Variants in ANKH observed in about 807,000 individuals in gnomAD.
ANKH encodes the protein mineralization regulator ANKH.
A neutral mutation model predicts 49.0 loss-of-function variants in ANKH; 15 were observed. The observed-to-expected ratio is 0.31, with a 90% CI of 0.20 to 0.47. The LOEUF (loss-of-function observed/expected upper bound fraction) is 0.47. ANKH is among the 20% of genes least tolerant of loss of function. The probability of loss-of-function intolerance (pLI) is 1.00; values close to 1 mark genes in which losing one functional copy is unlikely to be tolerated. For missense variants in ANKH, 429 were observed against 652.0 expected, an observed-to-expected ratio of 0.66 and a Z score of 3.72; for synonymous variants, 273 against 260.0, an observed-to-expected ratio of 1.05 and a Z score of -0.48.
intron 8 of ANKH, among the ~76,000 whole-genome samples, chr5:14,722,137 T>C (rs1467421542): frequency 2.6e-5 from 4 of 152,268 alleles, no homozygotes; most frequent in African/African-American, 2.4e-5. Context: ...GTCATTTTAA[T>C]GAGTTCACCC....
chr5:14,743,589 A>G (rs77568719), intron 7 of ANKH, among the ~76,000 whole-genome samples: 4,360 of 152,336 alleles, frequency 0.029, 239 homozygotes, highest in African/African-American at 0.1. Flanking sequence ...GTATGTGAGA[A>G]ATTTTAAATC....
chr5:14,866,173 A>AT (rs1267686034), intron 1 of ANKH, among the ~76,000 whole-genome samples: 1 of 152,022 alleles, frequency 6.6e-6, no homozygotes, highest in Non-Finnish European at 1.5e-5. Context: ...TGCCCCGCTA[A>AT]TTTTGTATTT....
chr5:14,813,037 T>A (rs772234086), intron 1 of ANKH, among the ~76,000 whole-genome samples: 32 of 152,270 alleles, frequency 2.1e-4, no homozygotes, highest in Non-Finnish European at 3.1e-4. Context: ...AGCCAGACAT[T>A]TGAGACCAGC....
intron 1 of ANKH, among the ~76,000 whole-genome samples, chr5:14,862,431 C>T (rs1735524047): frequency 6.6e-6 from 1 of 152,124 alleles, no homozygotes; most frequent in Non-Finnish European, 1.5e-5. Flanking sequence ...GATACCAAAG[C>T]CAGGGAAAAC....
chr5:14,745,799 T>C lies in ANKH; in HGVS notation c.915+71A>G. On this transcript the variant is annotated intron_variant, in intron 7 of 11. Transcript: ENST00000284268. This position sits in a 1 kb window ranked among gnomAD's most constrained non-coding sequence, Gnocchi z 4.7. The stretch of plus-strand genomic sequence containing the variant: ...CTGAGAAGCAACAAAGTGTCCCTCA[T>C]CAGAGAGCCCTGTCTATCAAGAAGT... The C allele has an allele frequency of 7.3e-7, 1 of 1,368,028 alleles. No homozygotes were observed. The highest frequency in any genetic ancestry group is 1.2e-5 in the South Asian group (1 of 85,106). The allele number at this position is 1,368,028 out of a possible 1,614,324, so 84.7% of individuals were successfully genotyped here.
intron 1 of ANKH, among the ~76,000 whole-genome samples, chr5:14,793,388 G>A (rs542967670): frequency 3.9e-4 from 60 of 152,030 alleles, no homozygotes; most frequent in African/African-American, 1.4e-3. Context: ...TGGTGGCTTT[G>A]CCCAGTAGCT....
At chr5:14,798,489 C>CT in intron 1 of ANKH, 8 of 897,292 alleles carry the variant, frequency 8.9e-6, no homozygotes, top group South Asian at 4.0e-5. Flanking sequence ...CACGCGGTCT[C>CT]TATTTTTTTT....
chr5:14,774,155 GT>G (rs1289074857), intron 1 of ANKH, among the ~76,000 whole-genome samples: 13 of 152,056 alleles, frequency 8.5e-5, no homozygotes, highest in African/African-American at 3.1e-4. Flanking sequence ...TTAGTTCCAT[GT>G]TTTCTTTTGA....
At position 14,709,629 on chromosome 5, in the gene ANKH, T is replaced by G. The variant is rs1295900695; in HGVS notation, c.*1568A>C. On this transcript the variant is annotated 3_prime_UTR_variant, in exon 12 of 12. Coordinates refer to ENST00000284268, the MANE Select transcript of ANKH (RefSeq NM_054027.6). ...CATTTTTGCCTTTCCAGCTTGCACT[T>G]CTATTCCTACTCCAGTGACCCATTT... 6.6e-6 allele frequency: 1 copy of G among 152,410 alleles called. No homozygotes were observed. Among genetic ancestry groups the G allele is most frequent in the Non-Finnish European group, 1.5e-5 (1 of 68,050 alleles). 9.4% of individuals were successfully genotyped at this position (152,410 alleles called of 1,614,324 possible).
chr5:14,780,418 C>CTGTAGT (rs1739771023), intron 1 of ANKH, among the ~76,000 whole-genome samples: 1 of 152,172 alleles, frequency 6.6e-6, no homozygotes, highest in East Asian at 1.9e-4. Context: ...TGGCACATGC[C>CTGTAGT]TGTAGTCCCA....
rs57904537 is a variant in ANKH, at chr5:14,783,289, TACACACACAC to T, written c.97-14108_97-14099del. Among the ~76,000 whole-genome samples the T allele has an allele frequency of 4.4e-3, 642 of 144,588 alleles. 7 individuals carry two copies. Among genetic ancestry groups the T allele is most frequent in the Admixed American group, 0.025 (360 of 14,504 alleles). The allele number at this position is 144,588 out of a possible 152,430, so 94.9% of individuals were successfully genotyped here. The stretch of plus-strand genomic sequence containing the variant: ...GCACAGAAGAGGGTCGCCACCATTC[TACACACACAC>T]ACACACACACACACACACACACACA... On this transcript the variant is annotated intron_variant, in intron 1 of 11. Coordinates refer to ENST00000284268, the MANE Select transcript of ANKH (RefSeq NM_054027.6).
intron 6 of ANKH, among the ~76,000 whole-genome samples, chr5:14,748,712 C>T (rs1317774877): frequency 6.6e-6 from 1 of 152,228 alleles, no homozygotes; most frequent in Non-Finnish European, 1.5e-5. Flanking sequence ...CAGGCCGGGT[C>T]AACACGGAGG....
At chr5:14,773,367 T>A (rs975358386) in intron 1 of ANKH, among the ~76,000 whole-genome samples, 1 of 147,094 alleles carries the variant, frequency 6.8e-6, no homozygotes, top group African/African-American at 2.5e-5. Flanking sequence ...TTTTTTTTTT[T>A]TTTTTTTTTT....
intron 1 of ANKH, among the ~76,000 whole-genome samples, chr5:14,844,720 A>T (rs1256167444): frequency 1.3e-5 from 2 of 152,344 alleles, no homozygotes; most frequent in Non-Finnish European, 2.9e-5. Flanking sequence ...GCGGAGCTGT[A>T]GATTCGGGAT....
intron 1 of ANKH, among the ~76,000 whole-genome samples, chr5:14,822,757 C>T (rs2126588312): frequency 6.6e-6 from 1 of 152,304 alleles, no homozygotes; most frequent in South Asian, 2.1e-4. Context: ...ATTACTAATA[C>T]CGTAATTGGC....
chr5:14,846,867 G>A (rs1447253328), intron 1 of ANKH, among the ~76,000 whole-genome samples: 2 of 151,978 alleles, frequency 1.3e-5, no homozygotes, highest in Admixed American at 6.6e-5. Context: ...AACTAGCCAG[G>A]CATGGTGTTA....
intron 8 of ANKH, among the ~76,000 whole-genome samples, chr5:14,724,317 C>CG (rs1235809879): frequency 1.7e-5 from 1 of 58,160 alleles, no homozygotes; most frequent in Non-Finnish European, 4.7e-5. Flanking sequence ...AACTCTGTCT[C>CG]AAAACAACAA....
intron 8 of ANKH, among the ~76,000 whole-genome samples, chr5:14,739,959 C>A (rs1738303624): frequency 6.6e-6 from 1 of 152,022 alleles, no homozygotes; most frequent in African/African-American, 2.4e-5. Flanking sequence ...AAGCATTTTC[C>A]CAGATTATAA....
Position 14,745,478 on chromosome 5 carries a change from C to T in ANKH, c.915+392G>A, listed in dbSNP as rs1348957559. ...CAGCCCACAGAAAGACAGCCACGCA[C>T]GGCTTCCTGCCTACACCTTAGCCAT... On this transcript the variant is annotated intron_variant, in intron 7 of 11. Transcript: ENST00000284268. The surrounding 1 kb of genome is among the most constrained non-coding windows in gnomAD (Gnocchi z 4.7). Among the ~76,000 whole-genome samples the T allele has an allele frequency of 2.6e-5, 4 of 152,162 alleles. No individual in the cohort carries two copies. The highest frequency in any genetic ancestry group is 1.3e-4 in the Admixed American group (2 of 15,272).
Sources: gnomAD v4.1 joint callset for allele counts (sites outside exome capture counted in the v4.1 genomes callset) on GRCh38, gnomAD v4.1.1 for gene constraint, Gnocchi (gnomAD v3.1) non-coding constraint, MANE v1.5 for transcripts, NCBI Gene and HGNC (gene_info 2026-07-23, HGNC 2026-07-21) for gene names.